Variants in C7orf57 observed in about 807,000 individuals in gnomAD.
C7orf57 encodes the protein uncharacterized protein C7orf57.
C7orf57 carries 33 observed loss-of-function variants against 39.0 expected under a neutral mutation model. That is an observed-to-expected ratio of 0.85 (90% confidence interval 0.64 to 1.13). The LOEUF (loss-of-function observed/expected upper bound fraction) is 1.13. C7orf57 is among the 50% of genes most tolerant of loss of function. The pLI is 0.00. For missense variants in C7orf57, 346 were observed against 362.3 expected (o/e 0.95, Z 0.37); for synonymous variants, 124 against 137.1 (o/e 0.90, Z 0.67).
chr7:48,050,899 G>A (rs886481726), intron 6 of C7orf57, among the ~76,000 whole-genome samples: 5 of 151,868 alleles, frequency 3.3e-5, no homozygotes, highest in Non-Finnish European at 7.4e-5. Flanking sequence ...AAACTCCTGT[G>A]CTCAAAAAAT....
chr7:48,038,018 G>A (rs1790434715), intron 2 of C7orf57, among the ~76,000 whole-genome samples: 1 of 152,136 alleles, frequency 6.6e-6, no homozygotes, highest in African/African-American at 2.4e-5. Context: ...GAAAATATTT[G>A]AACTGAATAT....
chr7:48,038,381 C>CATACATAT (rs1554298419), intron 2 of C7orf57, among the ~76,000 whole-genome samples: 3 of 128,928 alleles, frequency 2.3e-5, no homozygotes, highest in Non-Finnish European at 4.8e-5. Context: ...TTTCTATATA[C>CATACATAT]ATATAGATAG....
In C7orf57 at chr7:48,060,429, G is replaced by A; in HGVS notation, c.*157G>A. On this transcript the variant is annotated 3_prime_UTR_variant, in exon 9 of 9. Coordinates refer to ENST00000348904, the MANE Select transcript of C7orf57 (RefSeq NM_001100159.3). ...CAGATTTGACATTGCTGCATAGAAG[G>A]GGCAGGTGTTGGTTTTTGTTTCTTG... The A allele has an allele frequency of 2.0e-6, 1 of 496,944 alleles. No individual in the cohort carries two copies. 30.8% of individuals were successfully genotyped at this position (496,944 alleles called of 1,614,324 possible). A position where few individuals can be genotyped will look rare whatever the true frequency, so the allele number is the denominator to read the frequency against.
chr7:48,036,354 G>A lies in C7orf57; in HGVS notation c.46G>A (p.Ala16Thr), dbSNP rs886392325. Reference protein sequence around the residue: ...KELQGATHRYAPCDWYYHVPV... With the variant: ...KELQGATHRYTPCDWYYHVPV... ...ACTTCAGGGCGCCACGCACCGCTACGCTCCCTGCGGTGAGTGCGCCCTGAG... is the reference window on the plus strand; with the variant it reads ...ACTTCAGGGCGCCACGCACCGCTACACTCCCTGCGGTGAGTGCGCCCTGAG... Residue 16 changes from alanine to threonine, a missense_variant, in exon 2 of 9, where the codon GCT (alanine) becomes ACT (threonine). By Grantham distance (58) the Ala-to-Thr change is moderately conservative. Transcript: ENST00000348904. 3 of 1,587,046 alleles carry A rather than the reference G, an allele frequency of 1.9e-6. No individual in the cohort carries two copies. The highest frequency in any genetic ancestry group is 2.6e-6 in the Non-Finnish European group (3 of 1,167,206).
At chr7:48,039,232 T>C (rs1168370809) in intron 2 of C7orf57, among the ~76,000 whole-genome samples, 1 of 152,182 alleles carries the variant, frequency 6.6e-6, no homozygotes, top group Non-Finnish European at 1.5e-5. Context: ...GGGTAAAATA[T>C]TTCAATTTCT....
chr7:48,047,987 C>T (rs559964918), intron 5 of C7orf57, among the ~76,000 whole-genome samples: 1 of 152,316 alleles, frequency 6.6e-6, no homozygotes, highest in East Asian at 1.9e-4. Context: ...GTGGCTACAG[C>T]TCATTTCTAC....
chr7:48,040,825 G>A (rs1340883078), intron 2 of C7orf57, among the ~76,000 whole-genome samples: 1 of 152,160 alleles, frequency 6.6e-6, no homozygotes, highest in Non-Finnish European at 1.5e-5. Context: ...CAAACAGGCT[G>A]TTATTTCTGT....
chr7:48,038,865 T>C (rs921611333), intron 2 of C7orf57, among the ~76,000 whole-genome samples: 6 of 152,162 alleles, frequency 3.9e-5, no homozygotes, highest in Admixed American at 3.9e-4. Flanking sequence ...TGTGTGTGTA[T>C]GTGGGTGGGG....
chr7:48,053,025 T>A, intron 7 of C7orf57, 102 bp downstream of exon 7: 1 of 961,230 alleles, frequency 1.0e-6, no homozygotes. Flanking sequence ...GAGAAATGAG[T>A]AACCCAAAAA....
rs775038911 is a variant in C7orf57 at position 48,036,383 on chromosome 7, G to C, written c.55+20G>C. On this transcript the variant is annotated intron_variant, in intron 2 of 8. Transcript: ENST00000348904. ...CCTGCGGTGAGTGCGCCCTGAGCGC[G>C]TCCCGGCCAGAAAGAGCTGGGTGCG... The C allele has an allele frequency of 1.9e-6, 3 of 1,556,258 alleles. No homozygotes were observed. The highest frequency in any genetic ancestry group is 1.7e-4 in the Middle Eastern group (1 of 5,906).
chr7:48,041,550 C>T (rs986678137), intron 3 of C7orf57, 31 bp downstream of exon 3: 21 of 1,521,304 alleles, frequency 1.4e-5, no homozygotes, highest in Non-Finnish European at 1.9e-5. Flanking sequence ...TTCAGTGTGG[C>T]AGCCTCGCGG....
Position 48,036,352 on chromosome 7 carries a change from A to T in C7orf57, c.44A>T (p.Tyr15Phe). 1 of 1,588,704 alleles carries T rather than the reference A, an allele frequency of 6.3e-7. No individual in the cohort carries two copies. Among genetic ancestry groups the T allele is most frequent in the Non-Finnish European group, 8.6e-7 (1 of 1,168,052 alleles). ...GAACTTCAGGGCGCCACGCACCGCT[A>T]CGCTCCCTGCGGTGAGTGCGCCCTG... ...SKELQGATHR[Y>F]APCDWYYHVP... Residue 15 changes from tyrosine to phenylalanine, a missense_variant, in exon 2 of 9, where the codon TAC (tyrosine) becomes TTC (phenylalanine). Coordinates refer to ENST00000348904, the MANE Select transcript of C7orf57 (RefSeq NM_001100159.3).
chr7:48,053,384 T>C (rs1791018115), intron 7 of C7orf57, among the ~76,000 whole-genome samples: 1 of 152,138 alleles, frequency 6.6e-6, no homozygotes, highest in South Asian at 2.1e-4. Flanking sequence ...CTTTGAATAA[T>C]TTAGAACTTT....
At chr7:48,041,620 G>C in intron 3 of C7orf57, 101 bp downstream of exon 3, 1 of 1,024,074 alleles carries the variant, frequency 9.8e-7, no homozygotes, top group Non-Finnish European at 1.4e-6. Flanking sequence ...TACAGAGTCT[G>C]TATGTTTAGC....
rs1425400791 is a variant in C7orf57, at chr7:48,052,931, A to C, written c.829+8A>C. 1.9e-6 allele frequency: 3 copies of C among 1,603,310 alleles called. No homozygotes were observed. The Admixed American group carries it at 5.0e-5, about 27-fold the overall frequency. ...GTCCTGAGGACACCCCAGGTGAGGCACAAGCAGCCATCTGCATTTATTGGA... is the reference window on the plus strand; with the variant it reads ...GTCCTGAGGACACCCCAGGTGAGGCCCAAGCAGCCATCTGCATTTATTGGA... On this transcript the variant is annotated splice_region_variant and intron_variant, in intron 7 of 8. Coordinates refer to ENST00000348904, the MANE Select transcript of C7orf57 (RefSeq NM_001100159.3).
chr7:48,046,443 G>T lies in C7orf57; in HGVS notation c.351-17G>T. ...TGGCTCTGAGCACCAGGCTGTAACT[G>T]GTGTCTGTCCTTGCAGAGTGCGGGC... is the stretch of plus-strand genomic sequence containing the variant. On this transcript the variant is annotated splice_polypyrimidine_tract_variant and intron_variant, in intron 4 of 8. Transcript: ENST00000348904. 3 of 1,607,804 alleles carry T rather than the reference G, an allele frequency of 1.9e-6. No homozygotes were observed. Among genetic ancestry groups the T allele is most frequent in the Non-Finnish European group, 2.5e-6 (3 of 1,176,720 alleles).
chr7:48,036,931 G>GTT (rs34982671), intron 2 of C7orf57, among the ~76,000 whole-genome samples: 4 of 148,356 alleles, frequency 2.7e-5, no homozygotes, highest in Non-Finnish European at 4.5e-5. Flanking sequence ...TGTCTTCTGG[G>GTT]TTTTTTTTTT....
chr7:48,035,657 T>A lies in C7orf57; in HGVS notation c.-102+27T>A. 1.5e-6 allele frequency: 1 copy of A among 650,520 alleles called. No homozygotes were observed. Among genetic ancestry groups the A allele is most frequent in the Non-Finnish European group, 2.8e-6 (1 of 359,348 alleles). The allele number at this position is 650,520 out of a possible 1,614,324, so 40.3% of individuals were successfully genotyped here. ...TGAGCCTGAGCGGGCTGGAGGACAA[T>A]GGGGGCGCCCACTGTGGTCCCGGGC... On this transcript the variant is annotated intron_variant, in intron 1 of 8. Coordinates refer to ENST00000348904, the MANE Select transcript of C7orf57 (RefSeq NM_001100159.3). The surrounding 1 kb of genome is among the most constrained non-coding windows in gnomAD (Gnocchi z 4.0).
chr7:48,040,627 G>A (rs930562728), intron 2 of C7orf57, among the ~76,000 whole-genome samples: 8 of 152,118 alleles, frequency 5.3e-5, no homozygotes, highest in Non-Finnish European at 1.5e-5. Context: ...GGGAGAGGGA[G>A]AGTGATAAGG....
Sources: gnomAD v4.1 joint callset for allele counts (sites outside exome capture counted in the v4.1 genomes callset) on GRCh38, gnomAD v4.1.1 for gene constraint, Gnocchi (gnomAD v3.1) non-coding constraint, MANE v1.5 for transcripts, NCBI Gene and HGNC (gene_info 2026-07-23, HGNC 2026-07-21) for gene names.